Variants in FARS2 observed in about 807,000 individuals in gnomAD.
FARS2 encodes the protein phenylalanine--tRNA ligase, mitochondrial.
Under a neutral mutation model 46.4 loss-of-function variants are expected in FARS2, and 40 were observed. That is an observed-to-expected ratio of 0.86 (90% confidence interval 0.67 to 1.12). The LOEUF is 1.12. Ranked by LOEUF, FARS2 falls within the 50% of genes most tolerant of loss-of-function variation. The pLI is 0.00. For missense variants in FARS2, 513 were observed against 567.9 expected, an observed-to-expected ratio of 0.90 and a Z score of 0.98; for synonymous variants, 234 against 214.9, an observed-to-expected ratio of 1.09 and a Z score of -0.78.
intron 4 of FARS2, among the ~76,000 whole-genome samples, chr6:5,518,547 G>C (rs1174347591): frequency 6.6e-6 from 1 of 152,162 alleles, no homozygotes; most frequent in Non-Finnish European, 1.5e-5. Context: ...AGCAGAAATA[G>C]TTGCTGGAAG....
At chr6:5,723,712 A>G (rs1486893627) in intron 6 of FARS2, among the ~76,000 whole-genome samples, 3 of 152,200 alleles carry the variant, frequency 2.0e-5, no homozygotes, top group Non-Finnish European at 4.4e-5. Flanking sequence ...GTTCTCAAGA[A>G]TGTTTGAATT....
At chr6:5,606,912 A>G (rs540339031) in intron 5 of FARS2, among the ~76,000 whole-genome samples, 1 of 152,230 alleles carries the variant, frequency 6.6e-6, no homozygotes, top group African/African-American at 2.4e-5. Context: ...TCCCTGAGGA[A>G]GACATTATGT....
intron 4 of FARS2, chr6:5,431,725 G>A (rs769880898): frequency 3.8e-6 from 2 of 530,900 alleles, no homozygotes; most frequent in South Asian, 1.4e-5. Context: ...TGAATTCTAC[G>A]CATATCTATA....
At position 5,275,492 on chromosome 6, in the gene FARS2, G is replaced by A. The variant is rs190274173; in HGVS notation, c.-22+13832G>A. ...CAGAATGTGAATTCTGTGAGGGCTG[G>A]GACCATGTCTATTTTGTTCATCACT... On this transcript the variant is annotated intron_variant, in intron 1 of 6. Coordinates refer to ENST00000274680, the MANE Select transcript of FARS2 (RefSeq NM_006567.5). 3.3e-5 allele frequency among the ~76,000 whole-genome samples: 5 copies of A among 152,162 alleles called. No individual in the cohort carries two copies. In the East Asian group the frequency reaches 9.7e-4, roughly 29 times the overall value.
chr6:5,661,301 G>A (rs1020403338), intron 6 of FARS2, among the ~76,000 whole-genome samples: 3 of 152,228 alleles, frequency 2.0e-5, no homozygotes, highest in African/African-American at 4.8e-5. Context: ...TGAAGTAAAC[G>A]TGTTGCACAG....
chr6:5,589,581 G>A (rs1773803732), intron 5 of FARS2, among the ~76,000 whole-genome samples: 1 of 152,212 alleles, frequency 6.6e-6, no homozygotes, highest in African/African-American at 2.4e-5. Flanking sequence ...GGCTACCTCT[G>A]CAGATGTGCT....
chr6:5,260,930 G>A (rs1029525217), upstream of FARS2: 3 of 1,358,794 alleles, frequency 2.2e-6, no homozygotes, highest in African/African-American at 3.1e-5. Context: ...GCCGCTTCGG[G>A]GGCGGGCGCA....
chr6:5,606,293 G>A (rs1196538516), intron 5 of FARS2, among the ~76,000 whole-genome samples: 1 of 152,034 alleles, frequency 6.6e-6, no homozygotes, highest in East Asian at 1.9e-4. Flanking sequence ...TGCCTGGAAG[G>A]AAAGATAGAT....
At chr6:5,541,239 G>A (rs1347835047) in intron 4 of FARS2, among the ~76,000 whole-genome samples, 1 of 152,176 alleles carries the variant, frequency 6.6e-6, no homozygotes, top group African/African-American at 2.4e-5. Context: ...GATAACCACA[G>A]AGGCTGAGAG....
chr6:5,420,936 G>T (rs1296623501), intron 3 of FARS2, among the ~76,000 whole-genome samples: 1 of 111,004 alleles, frequency 9.0e-6, no homozygotes, highest in African/African-American at 3.2e-5. Flanking sequence ...GGGGTCTGGA[G>T]GGGTCTGGAG....
intron 4 of FARS2, among the ~76,000 whole-genome samples, chr6:5,541,670 C>T (rs143415443): frequency 4.0e-4 from 61 of 152,178 alleles, no homozygotes; most frequent in African/African-American, 1.4e-3. Flanking sequence ...TCCTGATCCA[C>T]ACCCCAAGAG....
intron 1 of FARS2, among the ~76,000 whole-genome samples, chr6:5,295,574 T>TAA (rs1282966489): frequency 1.3e-5 from 2 of 152,248 alleles, no homozygotes; most frequent in Non-Finnish European, 2.9e-5. Flanking sequence ...TATTTATGAA[T>TAA]AGCAAGGGGA....
At chr6:5,312,983 A>G (rs1769193508) in intron 1 of FARS2, among the ~76,000 whole-genome samples, 1 of 152,172 alleles carries the variant, frequency 6.6e-6, no homozygotes. Flanking sequence ...GCACATAGCT[A>G]TGGCATCAAA....
chr6:5,597,495 T>C (rs1467179712), intron 5 of FARS2, among the ~76,000 whole-genome samples: 3 of 152,226 alleles, frequency 2.0e-5, no homozygotes, highest in African/African-American at 7.2e-5. Flanking sequence ...CGGCGCCTGA[T>C]GTTCTTTTCT....
chr6:5,290,928 C>A (rs116306168), intron 1 of FARS2: 1 of 152,260 alleles, frequency 6.6e-6, no homozygotes, highest in Non-Finnish European at 1.5e-5. Flanking sequence ...CTATGTTGCC[C>A]TGTCTGGTCT....
intron 4 of FARS2, 26 bp from the exon 5 acceptor site, chr6:5,545,154 A>C (rs200464829): frequency 6.2e-7 from 1 of 1,612,056 alleles, no homozygotes; most frequent in East Asian, 2.2e-5. Flanking sequence ...CTTTTTAAAA[A>C]CAACTATTTT....
intron 5 of FARS2, among the ~76,000 whole-genome samples, chr6:5,593,185 C>A (rs184225488): frequency 6.6e-6 from 1 of 152,202 alleles, no homozygotes; most frequent in East Asian, 1.9e-4. Flanking sequence ...AGGATCCTGC[C>A]GACCGTGAGT....
chr6:5,265,595 A>G (rs541721483), intron 1 of FARS2, among the ~76,000 whole-genome samples: 2 of 152,350 alleles, frequency 1.3e-5, no homozygotes, highest in South Asian at 2.1e-4. Flanking sequence ...TGTGCATTCA[A>G]GAGATAGCTG....
At chr6:5,341,218 T>TAG (rs1771580945) in intron 1 of FARS2, among the ~76,000 whole-genome samples, 1 of 7,448 alleles carries the variant, frequency 1.3e-4, no homozygotes, top group Non-Finnish European at 3.0e-4. Context: ...TATATATATA[T>TAG]ATATATATAT....
Sources: gnomAD v4.1 joint callset for allele counts (sites outside exome capture counted in the v4.1 genomes callset) on GRCh38, gnomAD v4.1.1 for gene constraint, MANE v1.5 for transcripts, NCBI Gene and HGNC (gene_info 2026-07-23, HGNC 2026-07-21) for gene names.